The following KIF11 variants were observed in gnomAD, a reference collection of about 807,000 sequenced individuals.
KIF11 encodes the protein kinesin-like protein KIF11.
A neutral mutation model predicts 121.0 loss-of-function variants in KIF11; 9 were observed. That is an observed-to-expected ratio of 0.07 (90% confidence interval 0.04 to 0.13). KIF11 has a LOEUF of 0.13. Ranked by LOEUF, KIF11 falls within the 10% of genes least tolerant of loss-of-function variation. The pLI is 1.00. For synonymous variants in KIF11, 408 were observed against 421.0 expected (o/e 0.97, Z 0.38); for missense variants, 846 against 1,217.5 (o/e 0.69, Z 4.54).
intron 1 of KIF11, among the ~76,000 whole-genome samples, chr10:92,600,483 A>T (rs1844356539): frequency 6.6e-6 from 1 of 151,674 alleles, no homozygotes. Context: ...CTTTTGCCCC[A>T]CTGAATTTTA....
At position 92,613,795 on chromosome 10, in the gene KIF11, C is replaced by T. The variant is rs1035937308; in HGVS notation, c.1032+176C>T. ...GCTTAGGAGTGCCTGGGCAACATGC[C>T]GAAACCCTGTCTCTACCAAAAATAC... On this transcript the variant is annotated intron_variant, in intron 8 of 21. Coordinates refer to ENST00000260731, the MANE Select transcript of KIF11 (RefSeq NM_004523.4). This position sits in a 1 kb window ranked among gnomAD's most constrained non-coding sequence, Gnocchi z 4.2. Among the ~76,000 whole-genome samples, 1 of 151,912 alleles carries T rather than the reference C, an allele frequency of 6.6e-6. No individual in the cohort carries two copies. The highest frequency in any genetic ancestry group is 1.5e-5 in the Non-Finnish European group (1 of 67,960).
Position 92,649,132 on chromosome 10 carries a change from T to A in KIF11, c.2770+698T>A, listed in dbSNP as rs76210132. 3.1e-3 allele frequency among the ~76,000 whole-genome samples: 470 copies of A among 150,774 alleles called. 4 individuals are homozygous for A. The highest frequency in any genetic ancestry group is 0.01 in the Middle Eastern group (3 of 294). ...ATATCACAAAACTCTTTTTTTTTTT[T>A]AATTTAAAAAGCAATTGTTAAAAGG... On this transcript the variant is annotated intron_variant, in intron 19 of 21. Coordinates refer to ENST00000260731, the MANE Select transcript of KIF11 (RefSeq NM_004523.4).
chr10:92,616,975 T>TA, intron 9 of KIF11, 143 bp downstream of exon 9: 1 of 503,008 alleles, frequency 2.0e-6, no homozygotes, highest in Non-Finnish European at 3.5e-6. Context: ...CTAAATGTCT[T>TA]ACATGTTAAC....
chr10:92,613,324 T>G lies in KIF11; in HGVS notation c.790-53T>G. 1 of 1,340,356 alleles carries G rather than the reference T, an allele frequency of 7.5e-7. No individual in the cohort carries two copies. Among genetic ancestry groups the G allele is most frequent in the Non-Finnish European group, 1.0e-6 (1 of 979,308 alleles). 83.0% of individuals were successfully genotyped at this position (1,340,356 alleles called of 1,614,324 possible). A position where few individuals can be genotyped will look rare whatever the true frequency, so the allele number is the denominator to read the frequency against. Reference sequence around the variant, plus strand: ...TATGTATCCTGTGAGAATGAAAGTCTTTGAATCCAAATCCAATAGACTCAC... The same window carrying G: ...TATGTATCCTGTGAGAATGAAAGTCGTTGAATCCAAATCCAATAGACTCAC... On this transcript the variant is annotated intron_variant, in intron 7 of 21. Coordinates refer to ENST00000260731, the MANE Select transcript of KIF11 (RefSeq NM_004523.4). This position sits in a 1 kb window ranked among gnomAD's most constrained non-coding sequence, Gnocchi z 4.2.
intron 14 of KIF11, among the ~76,000 whole-genome samples, chr10:92,635,831 C>G (rs1318545737): frequency 6.6e-6 from 1 of 152,190 alleles, no homozygotes; most frequent in African/African-American, 2.4e-5. Context: ...TACCAAGTTA[C>G]AATTTTTGCT....
rs1175303233 is a variant in KIF11, at chr10:92,651,507, GTTTTTTTTTTTTTTT to G, written c.3039+1017_3039+1031del. ...TGTGCCACCATGCCTGGCTAATTTT[GTTTTTTTTTTTTTTT>G]TTTTTTTTTTTTTTTTTTTTTTTTT... On this transcript the variant is annotated intron_variant, in intron 21 of 21. Coordinates refer to ENST00000260731, the MANE Select transcript of KIF11 (RefSeq NM_004523.4). Among the ~76,000 whole-genome samples the G allele has an allele frequency of 3.1e-3, 165 of 52,964 alleles. 11 individuals are homozygous for G. Among genetic ancestry groups the G allele is most frequent in the Middle Eastern group, 0.037 (2 of 54 alleles). 34.7% of individuals were successfully genotyped at this position (52,964 alleles called of 152,430 possible). A position where few individuals can be genotyped will look rare whatever the true frequency, so the allele number is the denominator to read the frequency against.
rs12246900 is a variant in KIF11 at position 92,608,092 on chromosome 10, C to A, written c.387+855C>A. Among the ~76,000 whole-genome samples, 11 of 145,588 alleles carry A rather than the reference C, an allele frequency of 7.6e-5. No individual in the cohort carries two copies. In the East Asian group the frequency reaches 1.2e-3, roughly 16 times the overall value. ...AAAAAAAAACAAAAAAACAAAAAAC[C>A]AAAAAACTAGTTAATTTAAAAAAAA... is the stretch of plus-strand genomic sequence containing the variant. On this transcript the variant is annotated intron_variant, in intron 4 of 21. Transcript: ENST00000260731.
At chr10:92,616,684 A>G (rs1589595501) in intron 8 of KIF11, 53 bp from the exon 9 acceptor site, 2 of 882,818 alleles carry the variant, frequency 2.3e-6, no homozygotes, top group East Asian at 5.0e-5. Context: ...AGATAACAGA[A>G]CTACATTATT....
intron 1 of KIF11, among the ~76,000 whole-genome samples, chr10:92,601,444 C>T (rs1415415933): frequency 6.6e-6 from 1 of 151,654 alleles, no homozygotes; most frequent in Non-Finnish European, 1.5e-5. Flanking sequence ...CTCCTGACCT[C>T]GCGATCCGCC....
intron 1 of KIF11, among the ~76,000 whole-genome samples, chr10:92,594,684 A>G (rs1844272090): frequency 6.6e-6 from 1 of 152,196 alleles, no homozygotes; most frequent in South Asian, 2.1e-4. Flanking sequence ...GAAACAAAAC[A>G]ATCATTGCTG....
chr10:92,607,269 T>C (rs1844440370), intron 4 of KIF11, 32 bp downstream of exon 4: 1 of 1,304,720 alleles, frequency 7.7e-7, no homozygotes, highest in East Asian at 2.3e-5. Flanking sequence ...CTTTTATCTC[T>C]AATGTGACTG....
intron 12 of KIF11, among the ~76,000 whole-genome samples, 175 bp downstream of exon 12, chr10:92,630,539 GA>G (rs1368714660): frequency 6.6e-6 from 1 of 152,150 alleles, no homozygotes; most frequent in Non-Finnish European, 1.5e-5. Flanking sequence ...GTCGACTTAT[GA>G]AAAAACTACT....
rs1844945224 is a variant in KIF11, at chr10:92,648,487, CTATG to C, written c.2770+56_2770+59del. On this transcript the variant is annotated intron_variant, in intron 19 of 21. Transcript: ENST00000260731. ...AAATTTTTTGAAGTCGAATTCAACT[CTATG>C]TAGTGTCAGATGTTCAGAAAAATTA... The C allele has an allele frequency of 6.2e-6, 7 of 1,137,432 alleles. No individual in the cohort carries two copies. The Admixed American group carries it at 1.6e-4, about 26-fold the overall frequency. 70.5% of individuals were successfully genotyped at this position (1,137,432 alleles called of 1,614,324 possible). A position where few individuals can be genotyped will look rare whatever the true frequency, so the allele number is the denominator to read the frequency against.
chr10:92,610,326 G>T (rs1482327031), intron 6 of KIF11, among the ~76,000 whole-genome samples: 1 of 151,884 alleles, frequency 6.6e-6, no homozygotes, highest in African/African-American at 2.4e-5. Context: ...GGGGTGAAAG[G>T]GATGATTTTT....
At chr10:92,650,271 T>G in intron 20 of KIF11, 130 bp from the exon 21 acceptor site, 1 of 652,208 alleles carries the variant, frequency 1.5e-6, no homozygotes, top group Non-Finnish European at 2.7e-6. Flanking sequence ...TTGTAGACTT[T>G]CTAATAATTT....
rs1844723001 is a variant in KIF11 at position 92,630,292 on chromosome 10, A to G, written c.1422A>G (p.Gln474=). The change falls in exon 12 of 22, where the codon CAA becomes CAG. Residue 474 remains glutamine (Q), a synonymous_variant. Transcript: ENST00000260731. The part of the protein sequence containing the change: ...TQKHLQETKL[Q]LVKEEYITSA... Reference sequence around the variant, plus strand: ...AACATTTGCAAGAAACTAAATTACAACTTGTTAAAGAAGAATATATCACAT... The same window carrying G: ...AACATTTGCAAGAAACTAAATTACAGCTTGTTAAAGAAGAATATATCACAT... The G allele has an allele frequency of 6.2e-7, 1 of 1,608,834 alleles. No homozygotes were observed. Among genetic ancestry groups the G allele is most frequent in the African/African-American group, 1.3e-5 (1 of 74,608 alleles).
At chr10:92,640,390 A>G (rs1400863752) in intron 17 of KIF11, among the ~76,000 whole-genome samples, 1 of 152,192 alleles carries the variant, frequency 6.6e-6, no homozygotes, top group East Asian at 1.9e-4. Context: ...CTGGCTTTTC[A>G]AGAAAAAGTT....
intron 10 of KIF11, among the ~76,000 whole-genome samples, chr10:92,622,495 A>T (rs1032788566): frequency 1.3e-5 from 2 of 151,430 alleles, no homozygotes; most frequent in Admixed American, 1.3e-4. Flanking sequence ...GGTGCTTGTA[A>T]TCCCAGCTAC....
intron 8 of KIF11, among the ~76,000 whole-genome samples, chr10:92,614,127 A>C (rs1303689386): frequency 1.4e-5 from 2 of 141,098 alleles, no homozygotes; most frequent in African/African-American, 5.6e-5. Context: ...GACAAATCCC[A>C]CTCTTGTCCC....
Sources: gnomAD v4.1 joint callset for allele counts (sites outside exome capture counted in the v4.1 genomes callset) on GRCh38, gnomAD v4.1.1 for gene constraint, Gnocchi (gnomAD v3.1) non-coding constraint, MANE v1.5 for transcripts, NCBI Gene and HGNC (gene_info 2026-07-23, HGNC 2026-07-21) for gene names.